Variants in DLG2 observed in about 807,000 individuals in gnomAD.
DLG2 encodes discs large MAGUK scaffold protein 2.
In DLG2, 45 loss-of-function variants were observed where a neutral mutation model predicts 132.5. That is an observed-to-expected ratio of 0.34 (90% confidence interval 0.27 to 0.44). The LOEUF is 0.44. Among genes scored for constraint, DLG2 ranks in the 20% least tolerant of loss-of-function variants. The pLI is 1.00. For synonymous variants in DLG2, 424 were observed against 419.6 expected (o/e 1.01, Z -0.13); for missense variants, 1,045 against 1,196.9 (o/e 0.87, Z 1.87).
chr11:85,250,206 A>G (rs937004191), intron 4 of DLG2, among the ~76,000 whole-genome samples: 1 of 152,162 alleles, frequency 6.6e-6, no homozygotes, highest in African/African-American at 2.4e-5. Context: ...AGTATCATAA[A>G]TGCGTTTCTT....
chr11:83,500,260 T>G (rs1211226072), intron 21 of DLG2, among the ~76,000 whole-genome samples: 1 of 152,152 alleles, frequency 6.6e-6, no homozygotes, highest in Non-Finnish European at 1.5e-5. Flanking sequence ...TAAATGGATG[T>G]AAGTATCTAG....
chr11:84,674,548 A>ATC (rs1055020719), intron 6 of DLG2, among the ~76,000 whole-genome samples: 9 of 152,102 alleles, frequency 5.9e-5, no homozygotes, highest in Non-Finnish European at 1.2e-4. Context: ...AGAACTGAAT[A>ATC]TCTCTGGACA....
chr11:84,459,976 A>G (rs1195136519), intron 7 of DLG2, among the ~76,000 whole-genome samples: 3 of 150,744 alleles, frequency 2.0e-5, no homozygotes, highest in African/African-American at 7.3e-5. Flanking sequence ...TCTTTCAACA[A>G]TAAGTATGAC....
chr11:84,883,946 C>G (rs2087794964), intron 6 of DLG2, among the ~76,000 whole-genome samples: 4 of 151,956 alleles, frequency 2.6e-5, no homozygotes, highest in Admixed American at 2.6e-4. Context: ...AAACATGGGT[C>G]CCATGAGACT....
intron 18 of DLG2, among the ~76,000 whole-genome samples, chr11:83,668,850 C>T (rs1225979): frequency 0.92 from 119,947 of 129,854 alleles, 55,296 homozygotes; most frequent in East Asian, 0.99. Context: ...CACACACACA[C>T]ATATATATAT....
intron 3 of DLG2, among the ~76,000 whole-genome samples, chr11:85,508,955 A>G (rs1405971709): frequency 2.0e-5 from 3 of 152,102 alleles, no homozygotes; most frequent in African/African-American, 7.2e-5. Flanking sequence ...CATATAAAAA[A>G]GTAATAGTAT....
chr11:84,315,859 C>A (rs902718076), intron 7 of DLG2, among the ~76,000 whole-genome samples: 1 of 152,044 alleles, frequency 6.6e-6, no homozygotes, highest in Non-Finnish European at 1.5e-5. Flanking sequence ...GCACCTGTCA[C>A]CATAACATTT....
intron 3 of DLG2, among the ~76,000 whole-genome samples, chr11:85,398,194 A>G (rs1027765678): frequency 1.3e-5 from 2 of 152,202 alleles, no homozygotes; most frequent in African/African-American, 4.8e-5. Context: ...TAAATAACAA[A>G]ATGAAGGCAG....
At position 84,099,016 on chromosome 11, in the gene DLG2, C is replaced by G; in HGVS notation, c.656G>C (p.Gly219Ala). Residue 219 changes from glycine to alanine, a missense_variant, in exon 10 of 28, where the codon GGG becomes GCG. Physicochemically the swap from Gly to Ala is moderately conservative, Grantham distance 60 (BLOSUM62 0). Transcript: ENST00000376104. ...TCCAATGTGGGGATTATCTGTCCCC[C>G]CAGCAATACTGAATCCCAGGCCAGA... ...GNSGLGFSIAGGTDNPHIGDD... is the reference protein window; with the variant it reads ...GNSGLGFSIAAGTDNPHIGDD... 6.2e-7 allele frequency: 1 copy of G among 1,612,882 alleles called. No individual in the cohort carries two copies.
intron 8 of DLG2, among the ~76,000 whole-genome samples, chr11:84,225,801 CTT>C (rs563183713): frequency 5.5e-5 from 8 of 144,544 alleles, no homozygotes; most frequent in Non-Finnish European, 7.6e-5. Context: ...TTTCTTTTGT[CTT>C]TTTTTTTTTT....
intron 9 of DLG2, among the ~76,000 whole-genome samples, chr11:84,135,369 A>T (rs2094564722): frequency 6.6e-6 from 1 of 152,100 alleles, no homozygotes; most frequent in South Asian, 2.1e-4. Flanking sequence ...TACGTTTTTT[A>T]AAGGACAAGA....
At chr11:85,483,976 C>A (rs1011143391) in intron 3 of DLG2, among the ~76,000 whole-genome samples, 1 of 151,804 alleles carries the variant, frequency 6.6e-6, no homozygotes, top group Non-Finnish European at 1.5e-5. Context: ...TGGCCCGGGT[C>A]TTCCAGGAGT....
chr11:84,256,575 G>A (rs975475721), intron 7 of DLG2, among the ~76,000 whole-genome samples: 20 of 152,166 alleles, frequency 1.3e-4, no homozygotes, highest in African/African-American at 4.8e-4. Flanking sequence ...GCAGGTGATT[G>A]TCATTACGCC....
chr11:83,646,533 C>T (rs1279133423), intron 18 of DLG2: 2 of 152,306 alleles, frequency 1.3e-5, no homozygotes, highest in East Asian at 1.9e-4. Flanking sequence ...TCCTCTCACA[C>T]ACTGCTCACC....
intron 21 of DLG2, among the ~76,000 whole-genome samples, chr11:83,512,672 T>C (rs1302799873): frequency 1.1e-4 from 17 of 152,192 alleles, no homozygotes; most frequent in Non-Finnish European, 1.9e-4. Context: ...CCTAATGCTA[T>C]CCCTCCCCCT....
At chr11:84,730,712 A>T (rs1050216436) in intron 6 of DLG2, among the ~76,000 whole-genome samples, 2 of 151,974 alleles carry the variant, frequency 1.3e-5, no homozygotes, top group African/African-American at 4.8e-5. Flanking sequence ...GCTCCCTTTC[A>T]TCTGAACAAT....
chr11:84,079,286 T>TTG (rs1555326985), intron 10 of DLG2, among the ~76,000 whole-genome samples: 6 of 151,424 alleles, frequency 4.0e-5, no homozygotes, highest in African/African-American at 1.5e-4. Flanking sequence ...TTGTTTTTTT[T>TTG]TTTGTTTTTC....
chr11:84,631,023 C>T (rs895526982), intron 6 of DLG2, among the ~76,000 whole-genome samples: 37 of 84,082 alleles, frequency 4.4e-4, no homozygotes, highest in Admixed American at 3.7e-3. Context: ...CTCTCTCACA[C>T]ACACACACAC....
intron 6 of DLG2, among the ~76,000 whole-genome samples, chr11:85,104,721 T>C (rs621648): frequency 0.029 from 4,337 of 151,742 alleles, 90 homozygotes; most frequent in Admixed American, 0.056. Context: ...ATGTGAATTA[T>C]ATTCCAGAGA....
Sources: gnomAD v4.1 joint callset for allele counts (sites outside exome capture counted in the v4.1 genomes callset) on GRCh38, gnomAD v4.1.1 for gene constraint, MANE v1.5 for transcripts, NCBI Gene and HGNC (gene_info 2026-07-23, HGNC 2026-07-21) for gene names.